DOT1L: variants seen among roughly 807,000 people sequenced by gnomAD.
DOT1L encodes histone-lysine N-methyltransferase, H3 lysine-79 specific.
DOT1L carries 33 observed loss-of-function variants against 153.3 expected under a neutral mutation model. The ratio of observed to expected loss-of-function variants is 0.22; its 90% CI spans 0.16 to 0.29. The LOEUF (loss-of-function observed/expected upper bound fraction) is 0.29. Among genes scored for constraint, DOT1L ranks in the 10% least tolerant of loss-of-function variants. The probability of loss-of-function intolerance (pLI) is 1.00; values close to 1 mark genes in which losing one functional copy is unlikely to be tolerated. For missense variants in DOT1L, 1,847 were observed against 2,119.9 expected (o/e 0.87, Z 2.53); for synonymous variants, 1,135 against 965.1 (o/e 1.18, Z -3.26).
rs1413536275 is a variant in DOT1L at position 2,222,079 on chromosome 19, C to T, written c.2910C>T (p.Ser970=). The change falls in exon 24 of 28, where the codon AGC becomes AGT. Residue 970 remains serine, a synonymous_variant. Transcript: ENST00000398665. The surrounding 1 kb of genome is among the most constrained non-coding windows in gnomAD (Gnocchi z 6.5). ...CGGCCACCTTGGATGAGTCCTCCAGCTCTGGGAGCCTTTTTGCCACCGTGG... is the reference window on the plus strand; with the variant it reads ...CGGCCACCTTGGATGAGTCCTCCAGTTCTGGGAGCCTTTTTGCCACCGTGG... ...AEPATLDESS[S]SGSLFATVGS... The T allele has an allele frequency of 1.2e-6, 2 of 1,613,446 alleles. No individual in the cohort carries two copies. Among genetic ancestry groups the T allele is most frequent in the African/African-American group, 1.3e-5 (1 of 75,056 alleles).
chr19:2,191,995 C>G lies in DOT1L; in HGVS notation c.493+755C>G, dbSNP rs1056263711. 2.0e-5 allele frequency among the ~76,000 whole-genome samples: 3 copies of G among 152,200 alleles called. No individual in the cohort carries two copies. The highest frequency in any genetic ancestry group is 7.2e-5 in the African/African-American group (3 of 41,454). ...CTGACGAATTCTTGATAGGACCACC[C>G]CATCCAGGCTGCAGGGCTGACGGGG... is the stretch of plus-strand genomic sequence containing the variant. On this transcript the variant is annotated intron_variant, in intron 5 of 27. Transcript: ENST00000398665. The surrounding 1 kb of genome is among the most constrained non-coding windows in gnomAD (Gnocchi z 6.8).
chr19:2,223,199 A>G, intron 24 of DOT1L, 82 bp from the exon 25 acceptor site: 1 of 1,493,988 alleles, frequency 6.7e-7, no homozygotes, highest in Non-Finnish European at 9.2e-7. Flanking sequence ...TGCAGACAGG[A>G]GCCTCCTGGG....
rs1178939600 is a variant in DOT1L at position 2,192,123 on chromosome 19, C to T, written c.493+883C>T. Reference sequence around the variant, plus strand: ...CATGTGAACCTTGTGCCTGCAGGCACGCGAGCCCCACGTCTGCCCCCTTTC... The same window carrying T: ...CATGTGAACCTTGTGCCTGCAGGCATGCGAGCCCCACGTCTGCCCCCTTTC... On this transcript the variant is annotated intron_variant, in intron 5 of 27. Coordinates refer to ENST00000398665, the MANE Select transcript of DOT1L (RefSeq NM_032482.3). Among the ~76,000 whole-genome samples, 5 of 152,178 alleles carry T rather than the reference C, an allele frequency of 3.3e-5. No individual in the cohort carries two copies. In the South Asian group the frequency reaches 6.2e-4, roughly 19 times the overall value.
intron 27 of DOT1L, 114 bp downstream of exon 27, chr19:2,227,241 G>C (rs1223651266): frequency 2.2e-6 from 3 of 1,356,080 alleles, no homozygotes; most frequent in Middle Eastern, 3.6e-4. Context: ...CAGGTCCCCT[G>C]GTGCCGGCCG....
In DOT1L at chr19:2,220,449, C is replaced by T; in HGVS notation, c.2806+227C>T. ...TCGGCCTCATACCTGGGTCTCCCGA[C>T]ACTGACACCTCCTGCTTGGGTGTAT... On this transcript the variant is annotated intron_variant, in intron 23 of 27. Transcript: ENST00000398665. The surrounding 1 kb of genome is among the most constrained non-coding windows in gnomAD (Gnocchi z 4.5). 2 of 651,966 alleles carry T rather than the reference C, an allele frequency of 3.1e-6. No individual in the cohort carries two copies. The highest frequency in any genetic ancestry group is 2.1e-5 in the Admixed American group (1 of 48,180). 40.4% of individuals were successfully genotyped at this position (651,966 alleles called of 1,614,324 possible).
Position 2,230,030 on chromosome 19 carries a change from CTT to C in DOT1L, c.*239_*240del, listed in dbSNP as rs150147737. 26,756 of 663,302 alleles carry C rather than the reference CTT, an allele frequency of 0.04. 685 individuals are homozygous for C. Among genetic ancestry groups the C allele is most frequent in the Non-Finnish European group, 0.051 (20,217 of 400,004 alleles). The allele number at this position is 663,302 out of a possible 1,614,324, so 41.1% of individuals were successfully genotyped here. On this transcript the variant is annotated 3_prime_UTR_variant, in exon 28 of 28. Coordinates refer to ENST00000398665, the MANE Select transcript of DOT1L (RefSeq NM_032482.3). ...TTTTAAAAAGTATAAACAATTCTGACTTATTTTATTCCATCTAAGTGGTAAAA... is the reference window on the plus strand; with the variant it reads ...TTTTAAAAAGTATAAACAATTCTGACATTTTATTCCATCTAAGTGGTAAAA...
At position 2,193,099 on chromosome 19, in the gene DOT1L, A is replaced by G. The variant is rs568228362; in HGVS notation, c.494-590A>G. On this transcript the variant is annotated intron_variant, in intron 5 of 27. Coordinates refer to ENST00000398665, the MANE Select transcript of DOT1L (RefSeq NM_032482.3). This position sits in a 1 kb window ranked among gnomAD's most constrained non-coding sequence, Gnocchi z 5.9. ...GCCTCCACCCTCCTGACGCTGGCGTATCTGCAGCCCCTGTTCCCTCCTTCT... is the reference window on the plus strand; with the variant it reads ...GCCTCCACCCTCCTGACGCTGGCGTGTCTGCAGCCCCTGTTCCCTCCTTCT... Among the ~76,000 whole-genome samples the G allele has an allele frequency of 6.6e-6, 1 of 152,260 alleles. No individual in the cohort carries two copies. Among genetic ancestry groups the G allele is most frequent in the South Asian group, 2.1e-4 (1 of 4,826 alleles).
Position 2,225,426 on chromosome 19 carries a change from A to C in DOT1L, c.3635A>C (p.Lys1212Thr). 6.2e-7 allele frequency: 1 copy of C among 1,614,176 alleles called. No individual in the cohort carries two copies. Among genetic ancestry groups the C allele is most frequent in the Non-Finnish European group, 8.5e-7 (1 of 1,180,016 alleles). The change falls in exon 26 of 28, where the codon AAA (lysine) becomes ACA (threonine). Residue 1212 changes from lysine (K) to threonine (T), a missense_variant. Lys to Thr is a moderately conservative substitution (Grantham distance 78, BLOSUM62 -1). Around this residue, in one of 8 missense-constraint regions of DOT1L, gnomAD observed 934 missense variants for 825.3 expected, o/e 1.13. Transcript: ENST00000398665. ...RKIATISLESKSPPKTLENGG... is the reference protein window; with the variant it reads ...RKIATISLESTSPPKTLENGG... ...ATTGCAACAATCTCCTTAGAAAGCAAATCTCCCCCGAAAACCTTGGAAAAT... is the reference window on the plus strand; with the variant it reads ...ATTGCAACAATCTCCTTAGAAAGCACATCTCCCCCGAAAACCTTGGAAAAT...
In DOT1L at chr19:2,222,848, C is replaced by T. The variant is rs2144909114; in HGVS notation, c.3390+289C>T. On this transcript the variant is annotated intron_variant, in intron 24 of 27. Coordinates refer to ENST00000398665, the MANE Select transcript of DOT1L (RefSeq NM_032482.3). The surrounding 1 kb of genome is among the most constrained non-coding windows in gnomAD (Gnocchi z 6.5). ...GCAGTGAACTGAGATCGGCCACTGC[C>T]TGGGCCACAGAGCGAGACTCCCTCT... 1 of 431,720 alleles carries T rather than the reference C, an allele frequency of 2.3e-6. No individual in the cohort carries two copies. Among genetic ancestry groups the T allele is most frequent in the African/African-American group, 2.0e-5 (1 of 49,074 alleles). The allele number at this position is 431,720 out of a possible 1,614,324, so 26.7% of individuals were successfully genotyped here. A position where few individuals can be genotyped will look rare whatever the true frequency, so the allele number is the denominator to read the frequency against.
At chr19:2,209,540 C>T (rs1465828445) in intron 12 of DOT1L, among the ~76,000 whole-genome samples, 3 of 152,226 alleles carry the variant, frequency 2.0e-5, no homozygotes, top group Non-Finnish European at 4.4e-5. Context: ...CCCCCGCGCC[C>T]TGCACGCGCT....
intron 20 of DOT1L, 45 bp downstream of exon 20, chr19:2,216,810 G>A (rs772807958): frequency 9.6e-6 from 15 of 1,561,118 alleles, no homozygotes; most frequent in Middle Eastern, 1.9e-4. Flanking sequence ...GGTACCTGCC[G>A]ACTCTGCCTG....
chr19:2,187,974 C>T (rs1297611940), intron 3 of DOT1L, among the ~76,000 whole-genome samples: 8 of 151,568 alleles, frequency 5.3e-5, no homozygotes, highest in Admixed American at 1.3e-4. Flanking sequence ...AGGGCTGCTC[C>T]TCTGGAGCTG....
In DOT1L at chr19:2,226,954, C is replaced by G; in HGVS notation, c.4433C>G (p.Pro1478Arg). ...CCGGGACCGCAGTTCGCGCTCGGCCCCATGTCCCTGCAGGCCAACCTCGGC... is the reference window on the plus strand; with the variant it reads ...CCGGGACCGCAGTTCGCGCTCGGCCGCATGTCCCTGCAGGCCAACCTCGGC... ...FPPGPQFALG[P>R]MSLQANLGSV... The change falls in exon 27 of 28, where the codon CCC becomes CGC. Residue 1478 changes from proline (P) to arginine (R), a missense_variant. By Grantham distance (103) the Pro-to-Arg change is moderately radical (BLOSUM62 -2). Around this residue, in one of 8 missense-constraint regions of DOT1L, gnomAD observed 934 missense variants for 825.3 expected, o/e 1.13. Coordinates refer to ENST00000398665, the MANE Select transcript of DOT1L (RefSeq NM_032482.3). The G allele has an allele frequency of 6.3e-7, 1 of 1,589,926 alleles. No homozygotes were observed. The highest frequency in any genetic ancestry group is 8.5e-7 in the Non-Finnish European group (1 of 1,176,018).
In DOT1L at chr19:2,210,505, C is replaced by A. The variant is rs1254937179; in HGVS notation, c.1111C>A (p.Pro371Thr). ...EGKVAGPADA[P>T]MDSGAEEEKA... Reference sequence around the variant, plus strand: ...CAAGGTGGCCGGCCCCGCCGACGCCCCCATGGTAAGGCCCCAGCCTGGCTC... The same window carrying A: ...CAAGGTGGCCGGCCCCGCCGACGCCACCATGGTAAGGCCCCAGCCTGGCTC... The change falls in exon 13 of 28, where the codon CCC becomes ACC. Residue 371 changes from proline to threonine, a missense_variant. Physicochemically the swap from Pro to Thr is conservative, Grantham distance 38. Around this residue, in one of 8 missense-constraint regions of DOT1L, gnomAD observed 205 missense variants for 203.1 expected, o/e 1.01. Transcript: ENST00000398665. 1 of 1,595,782 alleles carries A rather than the reference C, an allele frequency of 6.3e-7. No homozygotes were observed. The highest frequency in any genetic ancestry group is 8.5e-7 in the Non-Finnish European group (1 of 1,171,540).
intron 1 of DOT1L, among the ~76,000 whole-genome samples, chr19:2,180,380 GAC>G (rs869160975): frequency 6.6e-6 from 1 of 151,594 alleles, no homozygotes; most frequent in East Asian, 2.0e-4. Flanking sequence ...AAAATGGGGA[GAC>G]ATGTGGAGCG....
chr19:2,211,153 G>T lies in DOT1L; in HGVS notation c.1406G>T (p.Arg469Leu). Residue 469 changes from arginine to leucine, a missense_variant, in exon 15 of 28, where the codon CGG becomes CTG. Physicochemically the swap from Arg to Leu is moderately radical, Grantham distance 102. Coordinates refer to ENST00000398665, the MANE Select transcript of DOT1L (RefSeq NM_032482.3). ...PFYQLPPSVQ[R>L]HSPNPLLVAP... ...TACCAGCTACCTCCGAGCGTGCAGCGGCACTCCCCCAACCCGCTGCTGGTG... is the reference window on the plus strand; with the variant it reads ...TACCAGCTACCTCCGAGCGTGCAGCTGCACTCCCCCAACCCGCTGCTGGTG... The T allele has an allele frequency of 5.0e-6, 8 of 1,612,864 alleles. No homozygotes were observed. Among genetic ancestry groups the T allele is most frequent in the Non-Finnish European group, 5.9e-6 (7 of 1,179,778 alleles).
intron 3 of DOT1L, among the ~76,000 whole-genome samples, chr19:2,188,443 C>G (rs537676460): frequency 8.3e-6 from 1 of 120,564 alleles, no homozygotes; most frequent in African/African-American, 3.3e-5. Context: ...GTGGAGGTGG[C>G]GGAGGACGGA....
chr19:2,224,301 G>A (rs534638126), intron 25 of DOT1L, among the ~76,000 whole-genome samples: 14 of 152,148 alleles, frequency 9.2e-5, no homozygotes, highest in Non-Finnish European at 1.6e-4. Flanking sequence ...GGGTGGCCCG[G>A]CCCCCTGGGC....
chr19:2,194,485 G>GT, intron 6 of DOT1L, 30 bp from the exon 7 acceptor site: 1 of 1,613,766 alleles, frequency 6.2e-7, no homozygotes, highest in Non-Finnish European at 8.5e-7. Flanking sequence ...CTGAGAGTTT[G>GT]TAACGGGCGT....
Sources: gnomAD v4.1 joint callset for allele counts (sites outside exome capture counted in the v4.1 genomes callset) on GRCh38, gnomAD v4.1.1 for gene constraint, gnomAD v4.1.1 regional missense constraint, Gnocchi (gnomAD v3.1) non-coding constraint, MANE v1.5 for transcripts, NCBI Gene and HGNC (gene_info 2026-07-23, HGNC 2026-07-21) for gene names.